Variants in CNTNAP2 observed in about 807,000 individuals in gnomAD.
CNTNAP2 encodes contactin-associated protein-like 2.
CNTNAP2 carries 98 observed loss-of-function variants against 155.2 expected under a neutral mutation model. The observed-to-expected ratio is 0.63, with a 90% CI of 0.54 to 0.75. The LOEUF (loss-of-function observed/expected upper bound fraction) is 0.75. CNTNAP2 is among the 30% of genes least tolerant of loss of function. CNTNAP2 has a pLI of 0.00. For synonymous variants in CNTNAP2, 651 were observed against 631.2 expected (o/e 1.03, Z -0.47); for missense variants, 1,727 against 1,688.1 (o/e 1.02, Z -0.40).
chr7:147,395,481 A>G, intron 9 of CNTNAP2, 128 bp from the exon 10 acceptor site: 1 of 918,858 alleles, frequency 1.1e-6, no homozygotes, highest in Non-Finnish European at 1.7e-6. Context: ...CACTGAATAT[A>G]ACATCAGCAA....
At chr7:146,955,168 C>A (rs987264491) in intron 3 of CNTNAP2, among the ~76,000 whole-genome samples, 6 of 151,950 alleles carry the variant, frequency 3.9e-5, no homozygotes, top group Non-Finnish European at 8.8e-5. Flanking sequence ...TCACTGTTAT[C>A]ATCGACTTCA....
intron 13 of CNTNAP2, among the ~76,000 whole-genome samples, chr7:147,761,511 C>G (rs866373470): frequency 6.6e-6 from 1 of 152,298 alleles, no homozygotes; most frequent in South Asian, 2.1e-4. Context: ...TGTGCTTCAA[C>G]AATCACCATT....
At chr7:148,037,695 A>C (rs925159011) in intron 15 of CNTNAP2, among the ~76,000 whole-genome samples, 1 of 152,220 alleles carries the variant, frequency 6.6e-6, no homozygotes, top group Non-Finnish European at 1.5e-5. Context: ...CTTTTATTAC[A>C]ATATATTGTT....
intron 21 of CNTNAP2, among the ~76,000 whole-genome samples, chr7:148,335,152 C>T (rs1372820047): frequency 6.6e-6 from 1 of 152,170 alleles, no homozygotes; most frequent in East Asian, 1.9e-4. Flanking sequence ...CAGCAAACCC[C>T]ATGGGAAAGT....
intron 21 of CNTNAP2, among the ~76,000 whole-genome samples, chr7:148,358,205 A>C (rs1330834641): frequency 6.6e-6 from 1 of 152,234 alleles, no homozygotes; most frequent in African/African-American, 2.4e-5. Context: ...AGGGTGGGTC[A>C]GAGCACAAAG....
At chr7:147,446,670 C>G (rs1797746160) in intron 10 of CNTNAP2, among the ~76,000 whole-genome samples, 1 of 152,206 alleles carries the variant, frequency 6.6e-6, no homozygotes, top group South Asian at 2.1e-4. Flanking sequence ...TTGAATTAGA[C>G]TAAGCTTTAA....
intron 23 of CNTNAP2, among the ~76,000 whole-genome samples, chr7:148,411,134 G>C (rs1299127581): frequency 6.6e-6 from 1 of 152,170 alleles, no homozygotes; most frequent in Non-Finnish European, 1.5e-5. Context: ...TAGCCACTGA[G>C]CCTCATGCGT....
rs193058506 is a variant in CNTNAP2 at position 148,008,390 on chromosome 7, G to A, written c.2383+30401G>A. Among the ~76,000 whole-genome samples, 267 of 151,838 alleles carry A rather than the reference G, an allele frequency of 1.8e-3. 1 individual carries two copies. Among genetic ancestry groups the A allele is most frequent in the Non-Finnish European group, 1.7e-3 (114 of 67,890 alleles). On this transcript the variant is annotated intron_variant, in intron 15 of 23. Transcript: ENST00000361727. ...CCATCTCAAACAAACAAACAAACAA[G>A]CAAAAAACATTTGAAGCATTGAGAT...
At position 147,800,474 on chromosome 7, in the gene CNTNAP2, T is replaced by TA. The variant is rs879347658; in HGVS notation, c.2099-103079dup. Among the ~76,000 whole-genome samples, 569 of 144,492 alleles carry TA rather than the reference T, an allele frequency of 3.9e-3. 1 individual carries two copies. The highest frequency in any genetic ancestry group is 0.01 in the African/African-American group (403 of 39,854). The allele number at this position is 144,492 out of a possible 152,430, so 94.8% of individuals were successfully genotyped here. On this transcript the variant is annotated intron_variant, in intron 13 of 23. Coordinates refer to ENST00000361727, the MANE Select transcript of CNTNAP2 (RefSeq NM_014141.6). ...CATTTTAAGCAAAGGCAGCTCACTT[T>TA]AAAAAAAAAAAAGTGACTAACTTCC...
At chr7:147,195,996 T>G (rs1286839158) in intron 8 of CNTNAP2, among the ~76,000 whole-genome samples, 1 of 151,952 alleles carries the variant, frequency 6.6e-6, no homozygotes, top group Non-Finnish European at 1.5e-5. Flanking sequence ...TAAAATGAGG[T>G]CATATGAATA....
intron 1 of CNTNAP2, among the ~76,000 whole-genome samples, chr7:146,635,680 C>T (rs370312501): frequency 4.6e-5 from 7 of 152,056 alleles, no homozygotes; most frequent in African/African-American, 1.7e-4. Flanking sequence ...AGCCCGTATG[C>T]TCCAGGAATT....
At chr7:146,819,102 T>C (rs1803228308) in intron 2 of CNTNAP2, among the ~76,000 whole-genome samples, 1 of 152,148 alleles carries the variant, frequency 6.6e-6, no homozygotes, top group Non-Finnish European at 1.5e-5. Flanking sequence ...ATTATTTATA[T>C]CAGCTATAAA....
intron 18 of CNTNAP2, among the ~76,000 whole-genome samples, chr7:148,178,437 C>G (rs1333189281): frequency 6.6e-6 from 1 of 152,188 alleles, no homozygotes; most frequent in Non-Finnish European, 1.5e-5. Context: ...TGCAGTGTTT[C>G]CATCATTTAC....
intron 1 of CNTNAP2, among the ~76,000 whole-genome samples, chr7:146,762,818 T>A (rs1802126647): frequency 1.3e-5 from 2 of 151,996 alleles, no homozygotes; most frequent in South Asian, 4.2e-4. Flanking sequence ...ACAGGGGAAC[T>A]CCCCTTTATA....
intron 1 of CNTNAP2, among the ~76,000 whole-genome samples, chr7:146,485,578 A>T (rs11973826): frequency 0.077 from 11,658 of 152,224 alleles, 483 homozygotes; most frequent in Non-Finnish European, 0.094. Context: ...TTTTTGAAAG[A>T]TGCAATTCCC....
At chr7:147,443,255 G>A (rs531127984) in intron 10 of CNTNAP2, among the ~76,000 whole-genome samples, 2 of 152,248 alleles carry the variant, frequency 1.3e-5, no homozygotes, top group South Asian at 4.1e-4. Context: ...CTCCATGGGT[G>A]GGTGTCAGCG....
chr7:148,106,999 GC>G (rs1441466763), intron 15 of CNTNAP2, among the ~76,000 whole-genome samples: 1 of 152,040 alleles, frequency 6.6e-6, no homozygotes, highest in South Asian at 2.1e-4. Context: ...ATAAATAATA[GC>G]CCCCCAAATG....
At chr7:146,844,847 C>G (rs1260278725) in intron 3 of CNTNAP2, among the ~76,000 whole-genome samples, 1 of 152,020 alleles carries the variant, frequency 6.6e-6, no homozygotes, top group Non-Finnish European at 1.5e-5. Context: ...CAGTTTTGAT[C>G]CATTTTGTTA....
At chr7:146,348,329 G>A (rs2129098073) in intron 1 of CNTNAP2, among the ~76,000 whole-genome samples, 1 of 152,240 alleles carries the variant, frequency 6.6e-6, no homozygotes, top group East Asian at 1.9e-4. Flanking sequence ...GGAGACTGAG[G>A]CAGGAGAATC....
Sources: allele counts gnomAD v4.1 joint callset (sites outside exome capture counted in the v4.1 genomes callset), GRCh38; gene constraint gnomAD v4.1.1; transcripts MANE v1.5; gene names NCBI Gene and HGNC (gene_info 2026-07-23, HGNC 2026-07-21).